The following PPP4R2 variants were observed in gnomAD, a reference collection of about 807,000 sequenced individuals.
PPP4R2 encodes the protein protein phosphatase 4 regulatory subunit 2, also known as serine/threonine-protein phosphatase 4 regulatory subunit 2.
Under a neutral mutation model 47.2 loss-of-function variants are expected in PPP4R2, and 13 were observed. The ratio of observed to expected loss-of-function variants is 0.28; its 90% CI spans 0.18 to 0.44. PPP4R2 has a LOEUF of 0.44. Among genes scored for constraint, PPP4R2 ranks in the 20% least tolerant of loss-of-function variants. PPP4R2 has a pLI of 1.00. For synonymous variants in PPP4R2, 151 were observed against 163.3 expected (o/e 0.92, Z 0.57); for missense variants, 421 against 491.2 (o/e 0.86, Z 1.35).
chr3:73,017,740 T>G (rs906719153), intron 2 of PPP4R2, among the ~76,000 whole-genome samples: 2 of 152,108 alleles, frequency 1.3e-5, no homozygotes, highest in Non-Finnish European at 2.9e-5. Context: ...CAGCTTTTTT[T>G]TTTTGAGATG....
At chr3:73,010,183 G>A (rs55652308) in intron 2 of PPP4R2, among the ~76,000 whole-genome samples, 1 of 152,070 alleles carries the variant, frequency 6.6e-6, no homozygotes, top group Non-Finnish European at 1.5e-5. Context: ...GGGCTTTTTC[G>A]TTATCAGTTA....
intron 2 of PPP4R2, among the ~76,000 whole-genome samples, chr3:73,019,563 G>C (rs1191670454): frequency 6.6e-6 from 1 of 152,074 alleles, no homozygotes; most frequent in African/African-American, 2.4e-5. Flanking sequence ...TAGTAGAGAC[G>C]GGGTTTTGCC....
intron 2 of PPP4R2, among the ~76,000 whole-genome samples, chr3:73,021,326 C>G (rs1701956299): frequency 6.6e-6 from 1 of 151,692 alleles, no homozygotes; most frequent in African/African-American, 2.4e-5. Context: ...CTCAATCTCC[C>G]TGGCTCAGGT....
rs79267944 is a variant in PPP4R2, at chr3:73,034,114, T to C, written c.117-13072T>C. ...TTGATTTAAAATAATCATTGGTTTC[T>C]TCTCCACTTTTCTGTGTGTGGGTGT... On this transcript the variant is annotated intron_variant, in intron 2 of 8. Transcript: ENST00000356692. Among the ~76,000 whole-genome samples the C allele has an allele frequency of 7.0e-3, 1,054 of 151,154 alleles. 10 individuals carry two copies. Among genetic ancestry groups the C allele is most frequent in the African/African-American group, 0.024 (990 of 41,252 alleles).
intron 2 of PPP4R2, among the ~76,000 whole-genome samples, chr3:73,021,846 ATATGTG>A (rs1334641374): frequency 6.9e-4 from 83 of 120,908 alleles, no homozygotes; most frequent in Middle Eastern, 4.0e-3. Context: ...TTACATTTCT[ATATGTG>A]TGTGTGTGTG....
chr3:73,031,207 C>T (rs1702158910), intron 2 of PPP4R2, among the ~76,000 whole-genome samples: 1 of 152,138 alleles, frequency 6.6e-6, no homozygotes, highest in Non-Finnish European at 1.5e-5. Flanking sequence ...CTAAGTGATA[C>T]ACCTCTTCTC....
At chr3:73,029,805 A>G (rs1277777061) in intron 2 of PPP4R2, among the ~76,000 whole-genome samples, 1 of 152,238 alleles carries the variant, frequency 6.6e-6, no homozygotes, top group African/African-American at 2.4e-5. Flanking sequence ...GAAACCAGAA[A>G]AGGAAAATGA....
intron 2 of PPP4R2, among the ~76,000 whole-genome samples, chr3:73,040,755 T>G (rs1473956356): frequency 6.6e-6 from 1 of 152,128 alleles, no homozygotes; most frequent in Non-Finnish European, 1.5e-5. Context: ...TCAGGTGATC[T>G]GCCTGCCTCA....
intron 3 of PPP4R2, among the ~76,000 whole-genome samples, chr3:73,052,457 A>T (rs1434061974): frequency 1.3e-5 from 2 of 152,144 alleles, no homozygotes; most frequent in African/African-American, 2.4e-5. Flanking sequence ...AAAAAAGAGT[A>T]TATGGGTTTA....
At chr3:73,024,849 G>C (rs897416432) in intron 2 of PPP4R2, among the ~76,000 whole-genome samples, 1 of 152,130 alleles carries the variant, frequency 6.6e-6, no homozygotes, top group African/African-American at 2.4e-5. Context: ...AAGAAAACTA[G>C]AAAAGAAGGG....
chr3:73,018,649 A>G (rs1274540861), intron 2 of PPP4R2, among the ~76,000 whole-genome samples: 3 of 151,610 alleles, frequency 2.0e-5, no homozygotes, highest in Non-Finnish European at 4.4e-5. Context: ...TTCTCTTTCC[A>G]CCATTTGTAA....
chr3:73,062,138 G>C, intron 5 of PPP4R2: 1 of 1,546,416 alleles, frequency 6.5e-7, no homozygotes, highest in East Asian at 2.4e-5. Context: ...TTTTTGTTTG[G>C]GTCTGTGACA....
At chr3:73,000,930 TATC>T (rs1473011348) in intron 2 of PPP4R2, among the ~76,000 whole-genome samples, 2 of 152,210 alleles carry the variant, frequency 1.3e-5, no homozygotes, top group Admixed American at 6.5e-5. Flanking sequence ...TTGCAATTAT[TATC>T]CTTTTTGACG....
intron 3 of PPP4R2, among the ~76,000 whole-genome samples, chr3:73,053,958 T>G (rs1246521080): frequency 2.7e-5 from 4 of 150,208 alleles, no homozygotes; most frequent in African/African-American, 9.8e-5. Context: ...GACATAAGAT[T>G]ATATGTGTAT....
At chr3:73,036,784 G>A (rs746487061) in intron 2 of PPP4R2, among the ~76,000 whole-genome samples, 2 of 152,006 alleles carry the variant, frequency 1.3e-5, no homozygotes. Context: ...ATAACTCTGG[G>A]ATATACTTTA....
At chr3:73,023,294 A>G (rs180911581) in intron 2 of PPP4R2, among the ~76,000 whole-genome samples, 1,391 of 106,294 alleles carry the variant, frequency 0.013, 7 homozygotes, top group African/African-American at 0.028. Flanking sequence ...GGTTCAAGCA[A>G]TTCTGCCTCA....
At chr3:73,045,080 A>T (rs887381571) in intron 2 of PPP4R2, among the ~76,000 whole-genome samples, 1 of 152,068 alleles carries the variant, frequency 6.6e-6, no homozygotes, top group Non-Finnish European at 1.5e-5. Context: ...TGCAGCCTCT[A>T]CCTCCTGGGC....
chr3:73,052,850 C>A (rs1025725741), intron 3 of PPP4R2, among the ~76,000 whole-genome samples: 1 of 152,162 alleles, frequency 6.6e-6, no homozygotes, highest in African/African-American at 2.4e-5. Flanking sequence ...CTTTTGATAC[C>A]TAATAATCTT....
chr3:73,063,240 C>A, intron 5 of PPP4R2: 1 of 318,820 alleles, frequency 3.1e-6, no homozygotes, highest in Non-Finnish European at 6.1e-6. Flanking sequence ...TGGCATCTAC[C>A]CCGTAAGATC....
Sources: gnomAD v4.1 joint callset for allele counts (sites outside exome capture counted in the v4.1 genomes callset) on GRCh38, gnomAD v4.1.1 for gene constraint, MANE v1.5 for transcripts, NCBI Gene and HGNC (gene_info 2026-07-23, HGNC 2026-07-21) for gene names.